ULK4: variants seen among roughly 807,000 people sequenced by gnomAD.
ULK4 encodes the protein inactive serine/threonine-protein kinase ULK4.
In ULK4, 133 loss-of-function variants were observed where a neutral mutation model predicts 160.6. The ratio of observed to expected loss-of-function variants is 0.83; its 90% confidence interval spans 0.72 to 0.96. ULK4 has a LOEUF of 0.96. Among genes scored for constraint, ULK4 ranks in the 40% least tolerant of loss-of-function variants. The pLI is 0.00. For missense variants in ULK4, 1,580 were observed against 1,499.5 expected (o/e 1.05, Z -0.89); for synonymous variants, 534 against 539.8 (o/e 0.99, Z 0.15).
chr3:41,938,967 C>T (rs1485419372), intron 2 of ULK4, among the ~76,000 whole-genome samples: 1 of 152,044 alleles, frequency 6.6e-6, no homozygotes, highest in Non-Finnish European at 1.5e-5. Flanking sequence ...CTCAATAACA[C>T]AATAGGTCAC....
At chr3:41,799,587 C>T (rs781561390) in intron 20 of ULK4, among the ~76,000 whole-genome samples, 8 of 152,220 alleles carry the variant, frequency 5.3e-5, no homozygotes, top group Non-Finnish European at 8.8e-5. Context: ...TAAGGCTGGG[C>T]GCGGTGGCTC....
chr3:41,770,779 C>T (rs964208681), intron 21 of ULK4, among the ~76,000 whole-genome samples: 2 of 152,310 alleles, frequency 1.3e-5, no homozygotes, highest in East Asian at 3.9e-4. Flanking sequence ...TCCCAAAGTG[C>T]TGGGATTACA....
chr3:41,562,752 G>C (rs1164227819), intron 32 of ULK4, among the ~76,000 whole-genome samples: 3 of 151,940 alleles, frequency 2.0e-5, no homozygotes, highest in Non-Finnish European at 4.4e-5. Flanking sequence ...GCCTATGTGT[G>C]TCTCTGCATG....
At chr3:41,300,941 G>A (rs1446745760) in intron 35 of ULK4, among the ~76,000 whole-genome samples, 1 of 141,640 alleles carries the variant, frequency 7.1e-6, no homozygotes, top group East Asian at 2.2e-4. Context: ...CAGGGAAGTG[G>A]TTGAATACAG....
At chr3:41,338,779 T>G (rs1278108160) in intron 35 of ULK4, among the ~76,000 whole-genome samples, 3 of 151,476 alleles carry the variant, frequency 2.0e-5, no homozygotes, top group Admixed American at 2.0e-4. Flanking sequence ...CATATATATA[T>G]ATATGATATA....
At chr3:41,642,503 T>C (rs929697766) in intron 30 of ULK4, among the ~76,000 whole-genome samples, 34 of 152,216 alleles carry the variant, frequency 2.2e-4, no homozygotes, top group South Asian at 6.2e-4. Flanking sequence ...TCCATGTCCC[T>C]ATAAAGGACA....
intron 34 of ULK4, among the ~76,000 whole-genome samples, chr3:41,454,686 C>G (rs1175703500): frequency 2.0e-5 from 3 of 151,572 alleles, no homozygotes; most frequent in Non-Finnish European, 4.4e-5. Flanking sequence ...ATGTTTAAAA[C>G]AGTTTTCTTA....
chr3:41,472,488 G>A (rs2084018176), intron 32 of ULK4, among the ~76,000 whole-genome samples: 1 of 151,632 alleles, frequency 6.6e-6, no homozygotes, highest in African/African-American at 2.4e-5. Context: ...AGAATCACTT[G>A]AGCCCAGGAG....
intron 34 of ULK4, among the ~76,000 whole-genome samples, chr3:41,445,759 A>G (rs34038224): frequency 0.52 from 78,560 of 150,578 alleles, 20,650 homozygotes; most frequent in East Asian, 0.68. Context: ...TAGACCTAAA[A>G]CCATAAAAAC....
chr3:41,865,268 CT>C (rs199584740), intron 17 of ULK4, among the ~76,000 whole-genome samples: 6,773 of 70,494 alleles, frequency 0.096, 739 homozygotes, highest in Middle Eastern at 0.23. Context: ...AAGACTCTGT[CT>C]TTAAAAAAAA....
At chr3:41,564,372 T>C (rs2087711830) in intron 32 of ULK4, among the ~76,000 whole-genome samples, 1 of 151,726 alleles carries the variant, frequency 6.6e-6, no homozygotes, top group African/African-American at 2.4e-5. Flanking sequence ...CCGTCCGTTC[T>C]GAGAGCTCAA....
rs2041069590 is a variant in ULK4 at position 41,819,437 on chromosome 3, A to C, written c.1834T>G (p.Cys612Gly). The change falls in exon 19 of 37, where the codon TGC (cysteine) becomes GGC (glycine). Residue 612 changes from cysteine to glycine, a missense_variant. Transcript: ENST00000301831. ...AGGAGCCTTACCCCTTCCCGAAGGC[A>C]CCTCATTAGCACTGTGTATGCAGCC... is the stretch of plus-strand genomic sequence containing the variant. ...PLAAYTVLMR[C>G]LREGEERVVN... The C allele has an allele frequency of 2.5e-6, 4 of 1,613,326 alleles. No homozygotes were observed. Among genetic ancestry groups the C allele is most frequent in the African/African-American group, 1.3e-5 (1 of 74,790 alleles).
intron 31 of ULK4, among the ~76,000 whole-genome samples, chr3:41,588,175 A>C (rs2030974414): frequency 6.6e-6 from 1 of 152,134 alleles, no homozygotes; most frequent in South Asian, 2.1e-4. Flanking sequence ...AAACAAAACA[A>C]AACACCACAA....
intron 16 of ULK4, among the ~76,000 whole-genome samples, chr3:41,890,383 A>C (rs1697876754): frequency 6.6e-6 from 1 of 152,076 alleles, no homozygotes; most frequent in Admixed American, 6.5e-5. Context: ...ATAAAAGCTA[A>C]AGGAGGGATG....
chr3:41,421,530 A>G (rs2125836975), intron 34 of ULK4, among the ~76,000 whole-genome samples: 1 of 152,352 alleles, frequency 6.6e-6, no homozygotes, highest in South Asian at 2.1e-4. Context: ...CAATAATTAC[A>G]ATCATGTTTT....
chr3:41,534,963 G>C (rs141477379), intron 32 of ULK4, among the ~76,000 whole-genome samples: 1 of 152,188 alleles, frequency 6.6e-6, no homozygotes, highest in African/African-American at 2.4e-5. Context: ...ATATGTATGT[G>C]TATGTGTGTA....
chr3:41,362,288 A>G (rs975820960), intron 35 of ULK4, among the ~76,000 whole-genome samples: 1 of 152,172 alleles, frequency 6.6e-6, no homozygotes, highest in African/African-American at 2.4e-5. Context: ...ATTATTCTGG[A>G]ATTTTTTTTA....
intron 31 of ULK4, among the ~76,000 whole-genome samples, chr3:41,577,632 C>G (rs1454230491): frequency 1.3e-5 from 2 of 152,100 alleles, no homozygotes; most frequent in Non-Finnish European, 2.9e-5. Context: ...CCTTCCCAAC[C>G]TCTGGTAACC....
Position 41,663,448 on chromosome 3 carries a change from T to C in ULK4, c.3071+159A>G, listed in dbSNP as rs116056382. ...TATGAGAACGAGAGTCAAAACAGCA[T>C]AAATGACAGATATTACAATCCATGA... On this transcript the variant is annotated intron_variant, in intron 30 of 36. Coordinates refer to ENST00000301831, the MANE Select transcript of ULK4 (RefSeq NM_017886.4). Among the ~76,000 whole-genome samples the C allele has an allele frequency of 7.0e-3, 1,073 of 152,282 alleles. 15 individuals carry two copies. The highest frequency in any genetic ancestry group is 0.024 in the African/African-American group (1,016 of 41,564).
Sources: allele counts gnomAD v4.1 joint callset (sites outside exome capture counted in the v4.1 genomes callset), GRCh38; gene constraint gnomAD v4.1.1; transcripts MANE v1.5; gene names NCBI Gene and HGNC (gene_info 2026-07-23, HGNC 2026-07-21).